IL1RAPL2: variants seen among roughly 807,000 people sequenced by gnomAD.
IL1RAPL2 encodes interleukin 1 receptor accessory protein like 2, also known as X-linked interleukin-1 receptor accessory protein-like 2.
In IL1RAPL2, 3 loss-of-function variants were observed where a neutral mutation model predicts 44.1. That is an observed-to-expected ratio of 0.07 (90% CI 0.03 to 0.18). IL1RAPL2 has a LOEUF of 0.18. Ranked by LOEUF, IL1RAPL2 falls within the 10% of genes least tolerant of loss-of-function variation. The pLI is 1.00. For missense variants in IL1RAPL2, 391 were observed against 496.4 expected, an observed-to-expected ratio of 0.79 and a Z score of 2.02; for synonymous variants, 181 against 178.8, an observed-to-expected ratio of 1.01 and a Z score of -0.10.
intron 2 of IL1RAPL2, among the ~76,000 whole-genome samples, chrX:104,752,809 T>C (rs2147584654): frequency 9.0e-6 from 1 of 110,795 alleles, no homozygotes; most frequent in South Asian, 3.9e-4. Context: ...TTGAACATGG[T>C]TCTGTATTCC....
chrX:104,941,457 TGAG>T (rs1177417924), intron 2 of IL1RAPL2, among the ~76,000 whole-genome samples: 2 of 112,169 alleles, frequency 1.8e-5, no homozygotes, highest in African/African-American at 6.5e-5. Context: ...TGGTCAGTGA[TGAG>T]GAGCATTTTT....
chrX:104,599,037 A>C (rs1011860261), intron 1 of IL1RAPL2, among the ~76,000 whole-genome samples: 9 of 112,277 alleles, frequency 8.0e-5, no homozygotes, highest in African/African-American at 2.3e-4. Context: ...TGACTGAAGT[A>C]GATGAGTTAT....
intron 6 of IL1RAPL2, among the ~76,000 whole-genome samples, chrX:105,665,753 T>TTTTTTTTTTG (rs2037759802): frequency 1.0e-4 from 7 of 69,307 alleles, no homozygotes; most frequent in African/African-American, 2.2e-4. Flanking sequence ...TTTTTTTTTT[T>TTTTTTTTTTG]TTGTTGTTGT....
intron 2 of IL1RAPL2, among the ~76,000 whole-genome samples, chrX:105,058,384 C>A (rs772379074): frequency 8.9e-6 from 1 of 111,907 alleles, no homozygotes; most frequent in African/African-American, 3.2e-5. Context: ...CTGCACCTGG[C>A]CTGATTGGTT....
intron 2 of IL1RAPL2, among the ~76,000 whole-genome samples, chrX:104,761,975 CTT>C (rs1158528151): frequency 1.9e-4 from 18 of 96,918 alleles, no homozygotes; most frequent in South Asian, 5.1e-4. Flanking sequence ...TCTTCTTCTT[CTT>C]CTTCTTCCTC....
At chrX:105,690,579 T>C (rs1332314991) in intron 6 of IL1RAPL2, among the ~76,000 whole-genome samples, 1 of 111,894 alleles carries the variant, frequency 8.9e-6, no homozygotes, top group African/African-American at 3.2e-5. Flanking sequence ...CACCAAGCAC[T>C]TACCTACATT....
At chrX:105,436,325 A>T (rs1228660810) in intron 5 of IL1RAPL2, among the ~76,000 whole-genome samples, 1 of 110,906 alleles carries the variant, frequency 9.0e-6, no homozygotes, top group Non-Finnish European at 1.9e-5. Flanking sequence ...GTTTGTGGTG[A>T]TCATTGCAGT....
chrX:105,454,591 G>A (rs1465890770), intron 5 of IL1RAPL2, among the ~76,000 whole-genome samples: 1 of 111,497 alleles, frequency 9.0e-6, no homozygotes, highest in Non-Finnish European at 1.9e-5. Context: ...GTTCTCCAGG[G>A]CATGAGAACC....
chrX:105,099,648 A>C (rs1386845098), intron 2 of IL1RAPL2, among the ~76,000 whole-genome samples: 1 of 106,769 alleles, frequency 9.4e-6, no homozygotes, highest in Non-Finnish European at 1.9e-5. Flanking sequence ...TTGTATTTTT[A>C]GTAGAGACGG....
At chrX:105,554,849 A>G (rs901474618) in intron 6 of IL1RAPL2, among the ~76,000 whole-genome samples, 1 of 111,557 alleles carries the variant, frequency 9.0e-6, no homozygotes, top group Admixed American at 9.6e-5. Flanking sequence ...AAGTTCTTAC[A>G]TGATAATTCT....
intron 6 of IL1RAPL2, among the ~76,000 whole-genome samples, chrX:105,690,532 G>A (rs1942611581): frequency 9.0e-6 from 1 of 111,384 alleles, no homozygotes; most frequent in South Asian, 3.7e-4. Context: ...AAAGACATAG[G>A]TCTTTTATTA....
chrX:105,078,194 C>T (rs1470992927), intron 2 of IL1RAPL2, among the ~76,000 whole-genome samples: 4 of 111,229 alleles, frequency 3.6e-5, no homozygotes, highest in East Asian at 2.8e-4. Context: ...ATGATGGTGA[C>T]GTATAGATGG....
chrX:105,611,994 C>T (rs1411052848), intron 6 of IL1RAPL2, among the ~76,000 whole-genome samples: 1 of 111,807 alleles, frequency 8.9e-6, no homozygotes, highest in African/African-American at 3.2e-5. Context: ...TTTCTGTGGG[C>T]ATATGTTATT....
At chrX:105,671,104 G>A (rs2037821279) in intron 6 of IL1RAPL2, among the ~76,000 whole-genome samples, 3 of 110,088 alleles carry the variant, frequency 2.7e-5, no homozygotes, top group African/African-American at 6.6e-5. Context: ...CCACCACCAC[G>A]CCCTGCTAAT....
chrX:105,139,310 T>C (rs1221218592), intron 2 of IL1RAPL2, among the ~76,000 whole-genome samples: 1 of 111,729 alleles, frequency 9.0e-6, no homozygotes, highest in Non-Finnish European at 1.9e-5. Context: ...TTACACAGAA[T>C]AAATCATATA....
chrX:105,185,088 C>T (rs782081651), intron 2 of IL1RAPL2, among the ~76,000 whole-genome samples: 3 of 111,376 alleles, frequency 2.7e-5, no homozygotes, highest in South Asian at 7.7e-4. Context: ...TTATTCCCAC[C>T]TACACCCTCT....
intron 7 of IL1RAPL2, among the ~76,000 whole-genome samples, chrX:105,718,539 T>C (rs1032495532): frequency 9.0e-6 from 1 of 111,454 alleles, no homozygotes; most frequent in Non-Finnish European, 1.9e-5. Flanking sequence ...GTGTTTGACA[T>C]GTTTAGTAAT....
intron 1 of IL1RAPL2, among the ~76,000 whole-genome samples, chrX:104,582,871 T>TC (rs1556437625): frequency 7.4e-5 from 5 of 67,592 alleles, no homozygotes; most frequent in African/African-American, 2.4e-4. Context: ...TTTCTTTCTT[T>TC]TTCTTTTCTT....
chrX:105,127,754 T>C (rs1373899148), intron 2 of IL1RAPL2, among the ~76,000 whole-genome samples: 1 of 111,282 alleles, frequency 9.0e-6, no homozygotes, highest in East Asian at 2.8e-4. Context: ...AGATTTCTTG[T>C]ATGTAGGTCA....
Sources: allele counts gnomAD v4.1 joint callset (sites outside exome capture counted in the v4.1 genomes callset), GRCh38; gene constraint gnomAD v4.1.1; transcripts MANE v1.5; gene names NCBI Gene and HGNC (gene_info 2026-07-23, HGNC 2026-07-21).